The following BICC1 variants were observed in gnomAD, a reference collection of about 807,000 sequenced individuals.
BICC1 encodes the protein protein bicaudal C homolog 1.
In BICC1, 43 loss-of-function variants were observed where a neutral mutation model predicts 111.0. That is an observed-to-expected ratio of 0.39 (90% confidence interval 0.30 to 0.50). BICC1 has a LOEUF of 0.50. Ranked by LOEUF, BICC1 falls within the 20% of genes least tolerant of loss-of-function variation. The pLI is 0.88. For synonymous variants in BICC1, 467 were observed against 434.4 expected, an observed-to-expected ratio of 1.07 and a Z score of -0.93; for missense variants, 1,091 against 1,203.2, an observed-to-expected ratio of 0.91 and a Z score of 1.38.
At position 58,726,561 on chromosome 10, in the gene BICC1, T is replaced by C. The variant is rs543771576; in HGVS notation, c.307+24418T>C. Among the ~76,000 whole-genome samples the C allele has an allele frequency of 3.3e-5, 5 of 152,332 alleles. No individual in the cohort carries two copies. In the South Asian group the frequency reaches 1.0e-3, roughly 32 times the overall value. ...TGCCGTTGTATACTCAAGTATCACA[T>C]GTATATTTTTAAGCACTTTAATTGT... On this transcript the variant is annotated intron_variant, in intron 3 of 20. Transcript: ENST00000373886.
rs908468062 is a variant in BICC1, at chr10:58,667,107, C to T, written c.238-34967C>T. On this transcript the variant is annotated intron_variant, in intron 2 of 20. Coordinates refer to ENST00000373886, the MANE Select transcript of BICC1 (RefSeq NM_001080512.3). ...AGTTTTAAGGAAGGCAAATTACTTA[C>T]CAAACTAGGATTTCATTTTATTTTC... 5.3e-5 allele frequency among the ~76,000 whole-genome samples: 8 copies of T among 152,038 alleles called. No individual in the cohort carries two copies. The South Asian group carries it at 6.2e-4, about 12-fold the overall frequency.
chr10:58,548,270 T>C (rs1295220156), intron 1 of BICC1, among the ~76,000 whole-genome samples: 1 of 152,188 alleles, frequency 6.6e-6, no homozygotes, highest in African/African-American at 2.4e-5. Context: ...CAGTATACAG[T>C]ATAATAGTGA....
chr10:58,684,253 G>C (rs1213371384), intron 2 of BICC1, among the ~76,000 whole-genome samples: 2 of 152,130 alleles, frequency 1.3e-5, no homozygotes, highest in African/African-American at 4.8e-5. Context: ...TAATCTTTTT[G>C]ATGTGCTGCT....
chr10:58,571,914 A>G (rs1227599844), intron 1 of BICC1, among the ~76,000 whole-genome samples: 1 of 152,186 alleles, frequency 6.6e-6, no homozygotes, highest in African/African-American at 2.4e-5. Context: ...TCACCACATT[A>G]TCTTCCACAA....
At chr10:58,686,091 CT>C in intron 2 of BICC1, among the ~76,000 whole-genome samples, 1 of 152,282 alleles carries the variant, frequency 6.6e-6, no homozygotes, top group South Asian at 2.1e-4. Context: ...ATTTGTTTGT[CT>C]GTAAAGGATT....
chr10:58,792,676 A>G (rs946507474), intron 8 of BICC1, among the ~76,000 whole-genome samples: 21 of 152,156 alleles, frequency 1.4e-4, no homozygotes, highest in African/African-American at 2.4e-5. Context: ...ACTGTCTCCC[A>G]TCACCTCCAG....
Position 58,513,169 on chromosome 10 carries a change from A to G in BICC1, c.26A>G (p.Tyr9Cys). 6.4e-7 allele frequency: 1 copy of G among 1,565,670 alleles called. No homozygotes were observed. Among genetic ancestry groups the G allele is most frequent in the South Asian group, 1.2e-5 (1 of 85,730 alleles). Residue 9 changes from tyrosine to cysteine, a missense_variant, in exon 1 of 21, where the codon TAC becomes TGC. By Grantham distance (194) the Tyr-to-Cys change is radical. Transcript: ENST00000373886. ...ATGGCCGCCCAGGGAGAGCCCGGCTACCTGGCGGCGCAGTCGGACCCCGGC... is the reference window on the plus strand; with the variant it reads ...ATGGCCGCCCAGGGAGAGCCCGGCTGCCTGGCGGCGCAGTCGGACCCCGGC... The part of the protein sequence containing the change: MAAQGEPG[Y>C]LAAQSDPGSN...
At chr10:58,689,061 G>C (rs960886183) in intron 2 of BICC1, among the ~76,000 whole-genome samples, 3 of 152,022 alleles carry the variant, frequency 2.0e-5, no homozygotes, top group Admixed American at 1.3e-4. Context: ...AAGAAAACAT[G>C]TATTAAGAAA....
chr10:58,535,488 T>G (rs563518572), intron 1 of BICC1, among the ~76,000 whole-genome samples: 1 of 151,856 alleles, frequency 6.6e-6, no homozygotes, highest in Non-Finnish European at 1.5e-5. Flanking sequence ...CTAAGTTTCA[T>G]AAATGAAGGA....
At chr10:58,789,558 T>C in intron 7 of BICC1, 102 bp downstream of exon 7, 1 of 1,512,244 alleles carries the variant, frequency 6.6e-7, no homozygotes, top group Non-Finnish European at 9.0e-7. Flanking sequence ...TTTTCCTTCG[T>C]TCTACATTTT....
intron 1 of BICC1, among the ~76,000 whole-genome samples, chr10:58,565,553 C>T (rs967000668): frequency 1.3e-5 from 2 of 151,994 alleles, no homozygotes; most frequent in Non-Finnish European, 2.9e-5. Flanking sequence ...TCTCCCCTTG[C>T]CCCCCCGATG....
In BICC1 at chr10:58,695,545, G is replaced by T. The variant is rs12771221; in HGVS notation, c.238-6529G>T. Among the ~76,000 whole-genome samples, 858 of 152,226 alleles carry T rather than the reference G, an allele frequency of 5.6e-3. 10 individuals are homozygous for T. Among genetic ancestry groups the T allele is most frequent in the Admixed American group, 0.01 (156 of 15,290 alleles). On this transcript the variant is annotated intron_variant, in intron 2 of 20. Coordinates refer to ENST00000373886, the MANE Select transcript of BICC1 (RefSeq NM_001080512.3). Reference sequence around the variant, plus strand: ...TAGAGAGTTCAGTGTTCTTTTCCTGGTCCAAGAATAAATATTTTTAGTAAA... The same window carrying T: ...TAGAGAGTTCAGTGTTCTTTTCCTGTTCCAAGAATAAATATTTTTAGTAAA...
chr10:58,804,192 T>C (rs4627022), intron 15 of BICC1, among the ~76,000 whole-genome samples: 115,621 of 152,030 alleles, frequency 0.76, 44,157 homozygotes, highest in African/African-American at 0.81. Flanking sequence ...AAATAAAAGC[T>C]ATGGCCTTTA....
rs558553545 is a variant in BICC1, at chr10:58,616,550, A to G, written c.191-4305A>G. 6.6e-5 allele frequency among the ~76,000 whole-genome samples: 10 copies of G among 152,266 alleles called. No homozygotes were observed. In the East Asian group the frequency reaches 1.9e-3, roughly 30 times the overall value. On this transcript the variant is annotated intron_variant, in intron 1 of 20. Coordinates refer to ENST00000373886, the MANE Select transcript of BICC1 (RefSeq NM_001080512.3). ...TGGCTGAGGTTCGACTTAGGGGAACACCAGATGACTGGAGGCCACATGTGG... is the reference window on the plus strand; with the variant it reads ...TGGCTGAGGTTCGACTTAGGGGAACGCCAGATGACTGGAGGCCACATGTGG...
chr10:58,640,257 C>G (rs569391256), intron 2 of BICC1, among the ~76,000 whole-genome samples: 1 of 152,162 alleles, frequency 6.6e-6, no homozygotes, highest in Non-Finnish European at 1.5e-5. Context: ...CAACATTCCT[C>G]GAGCATTTTA....
chr10:58,554,865 AT>A (rs35153897), intron 1 of BICC1, among the ~76,000 whole-genome samples: 68,670 of 149,530 alleles, frequency 0.46, 16,788 homozygotes, highest in Admixed American at 0.62. Flanking sequence ...TCTGTTATAT[AT>A]ACCTCCTTTT....
intron 9 of BICC1, 49 bp downstream of exon 9, chr10:58,793,664 G>A: frequency 6.3e-7 from 1 of 1,585,026 alleles, no homozygotes; most frequent in Non-Finnish European, 8.6e-7. Context: ...ATCATATGCT[G>A]TATAGTTTTA....
Position 58,649,379 on chromosome 10 carries a change from G to T in BICC1, c.237+28478G>T, listed in dbSNP as rs1200246198. Among the ~76,000 whole-genome samples the T allele has an allele frequency of 2.0e-5, 3 of 152,154 alleles. No homozygotes were observed. The East Asian group carries it at 5.8e-4, about 29-fold the overall frequency. ...TATCACTGAATGAAGCTGGGCTTGT[G>T]CTCTCTCTCTGATAACCCACCCACG... is the stretch of plus-strand genomic sequence containing the variant. On this transcript the variant is annotated intron_variant, in intron 2 of 20. Coordinates refer to ENST00000373886, the MANE Select transcript of BICC1 (RefSeq NM_001080512.3).
intron 11 of BICC1, 23 bp from the exon 12 acceptor site, chr10:58,799,033 G>A: frequency 1.4e-6 from 2 of 1,473,764 alleles, no homozygotes; most frequent in Non-Finnish European, 1.8e-6. Context: ...CCTAATATCT[G>A]TCATCATAAA....
Sources: allele counts gnomAD v4.1 joint callset (sites outside exome capture counted in the v4.1 genomes callset), GRCh38; gene constraint gnomAD v4.1.1; transcripts MANE v1.5; gene names NCBI Gene and HGNC (gene_info 2026-07-23, HGNC 2026-07-21).